Variants in RIMS2 observed in about 807,000 individuals in gnomAD.
RIMS2 encodes the protein regulating synaptic membrane exocytosis protein 2.
A neutral mutation model predicts 174.4 loss-of-function variants in RIMS2; 59 were observed. The observed-to-expected ratio is 0.34, with a 90% CI of 0.27 to 0.42. The LOEUF (loss-of-function observed/expected upper bound fraction) is 0.42. Among genes scored for constraint, RIMS2 ranks in the 10% least tolerant of loss-of-function variants. The probability of loss-of-function intolerance (pLI) is 1.00; values close to 1 mark genes in which losing one functional copy is unlikely to be tolerated. For missense variants in RIMS2, 1,620 were observed against 1,666.3 expected, an observed-to-expected ratio of 0.97 and a Z score of 0.48; for synonymous variants, 606 against 572.5, an observed-to-expected ratio of 1.06 and a Z score of -0.84.
chr8:103,667,201 A>G (rs940774915), intron 1 of RIMS2, among the ~76,000 whole-genome samples: 1 of 152,212 alleles, frequency 6.6e-6, no homozygotes, highest in South Asian at 2.1e-4. Flanking sequence ...TACATAATGT[A>G]TGTGTCATGT....
intron 19 of RIMS2, among the ~76,000 whole-genome samples, chr8:104,201,494 C>T (rs901672763): frequency 6.6e-6 from 1 of 151,906 alleles, no homozygotes; most frequent in African/African-American, 2.4e-5. Context: ...GTAAAAAATT[C>T]GGCATCATAG....
At chr8:104,017,536 G>A (rs962291751) in intron 19 of RIMS2, among the ~76,000 whole-genome samples, 2 of 151,820 alleles carry the variant, frequency 1.3e-5, no homozygotes, top group Admixed American at 6.6e-5. Flanking sequence ...TTTATGTACT[G>A]CCATTTTGTA....
intron 2 of RIMS2, among the ~76,000 whole-genome samples, chr8:103,751,236 G>A (rs1489584471): frequency 1.3e-5 from 2 of 152,080 alleles, no homozygotes; most frequent in South Asian, 2.1e-4. Context: ...TGAGAATGAT[G>A]GTTTCCAGTT....
intron 3 of RIMS2, among the ~76,000 whole-genome samples, chr8:103,830,687 T>G (rs900052153): frequency 6.6e-6 from 1 of 152,248 alleles, no homozygotes; most frequent in African/African-American, 2.4e-5. Context: ...TTTCTCTCAA[T>G]TGCTGAGAGA....
intron 17 of RIMS2, chr8:103,998,371 A>G (rs914716926): frequency 2.3e-5 from 12 of 522,270 alleles, no homozygotes; most frequent in Middle Eastern, 2.8e-4. Context: ...AATGAAATAT[A>G]GAAATATCAC....
chr8:104,094,846 T>C, intron 19 of RIMS2: 1 of 569,238 alleles, frequency 1.8e-6, no homozygotes, highest in African/African-American at 1.9e-5. Flanking sequence ...CTATTTAGCT[T>C]CTAATATTAC....
chr8:103,896,073 C>G (rs918356914), intron 4 of RIMS2, among the ~76,000 whole-genome samples: 1 of 151,596 alleles, frequency 6.6e-6, no homozygotes, highest in Non-Finnish European at 1.5e-5. Flanking sequence ...AATTTCTTAG[C>G]CTGATATATG....
At chr8:103,804,783 T>A (rs2098639027) in intron 3 of RIMS2, among the ~76,000 whole-genome samples, 1 of 152,114 alleles carries the variant, frequency 6.6e-6, no homozygotes, top group Admixed American at 6.6e-5. Context: ...TTTTCACTTA[T>A]AAGGAGTTTG....
At chr8:104,216,009 T>A (rs1352481232) in intron 19 of RIMS2, among the ~76,000 whole-genome samples, 1 of 152,202 alleles carries the variant, frequency 6.6e-6, no homozygotes, top group East Asian at 1.9e-4. Context: ...TTGATTATAT[T>A]TCATTTTTGG....
chr8:104,192,316 A>C (rs2099002047), intron 19 of RIMS2, among the ~76,000 whole-genome samples: 1 of 152,108 alleles, frequency 6.6e-6, no homozygotes, highest in African/African-American at 2.4e-5. Flanking sequence ...TTTTGTAGTA[A>C]TTATTATAAA....
chr8:104,151,798 CAAG>C (rs1181855954), intron 19 of RIMS2, among the ~76,000 whole-genome samples: 1 of 151,998 alleles, frequency 6.6e-6, no homozygotes, highest in African/African-American at 2.4e-5. Flanking sequence ...TGAAATTGCC[CAAG>C]AAGAATTATA....
At chr8:104,255,681 C>G (rs1332543438), downstream of RIMS2, 1 of 152,186 alleles carries the variant, frequency 6.6e-6, no homozygotes, top group East Asian at 1.9e-4. Flanking sequence ...TGATGTAAAC[C>G]TTGACATTCT....
exon 9 of RIMS2, chr8:103,918,474 A>G: frequency 6.2e-7 from 1 of 1,606,274 alleles, no homozygotes; most frequent in Non-Finnish European, 8.5e-7. Context: ...GCACACATGC[A>G]CAACTGGAGT....
chr8:103,789,131 C>G (rs1401943145), intron 3 of RIMS2, among the ~76,000 whole-genome samples: 1 of 152,184 alleles, frequency 6.6e-6, no homozygotes, highest in Non-Finnish European at 1.5e-5. Flanking sequence ...TGCTTCGGCT[C>G]GTGCACGGTG....
chr8:103,548,405 A>G (rs1846075268), intron 1 of RIMS2, among the ~76,000 whole-genome samples: 2 of 152,180 alleles, frequency 1.3e-5, no homozygotes, highest in African/African-American at 4.8e-5. Context: ...AGAATTCACC[A>G]CATAAACAGA....
intron 14 of RIMS2, among the ~76,000 whole-genome samples, chr8:103,948,472 C>T (rs963344085): frequency 6.6e-6 from 1 of 152,112 alleles, no homozygotes; most frequent in African/African-American, 2.4e-5. Flanking sequence ...TATATCCTCA[C>T]AATTGATTTC....
rs150848104 is a variant in RIMS2, at chr8:103,897,793, A to G, written c.1624+11570A>G. Reference sequence around the variant, plus strand: ...ATTCTCCTAGTGAGACTTGCCATAAATTGTATATGGCTTCTTTTCCCACCA... The same window carrying G: ...ATTCTCCTAGTGAGACTTGCCATAAGTTGTATATGGCTTCTTTTCCCACCA... On this transcript the variant is annotated intron_variant, in intron 4 of 23. Coordinates refer to ENST00000504942, the Ensembl canonical transcript of RIMS2. Among the ~76,000 whole-genome samples, 606 of 151,744 alleles carry G rather than the reference A, an allele frequency of 4.0e-3. 7 individuals carry two copies. The highest frequency in any genetic ancestry group is 3.2e-3 in the Non-Finnish European group (220 of 67,992).
chr8:103,682,116 T>A (rs2096887424), intron 1 of RIMS2, among the ~76,000 whole-genome samples: 1 of 151,948 alleles, frequency 6.6e-6, no homozygotes, highest in African/African-American at 2.4e-5. Context: ...AAACTGTGAG[T>A]TTTCTTGAAT....
intron 3 of RIMS2, among the ~76,000 whole-genome samples, chr8:103,795,305 C>T (rs990153946): frequency 6.6e-6 from 1 of 151,982 alleles, no homozygotes; most frequent in African/African-American, 2.4e-5. Flanking sequence ...CAGGTGGAAA[C>T]CATCATTCTG....
Sources: gnomAD v4.1 joint callset for allele counts (sites outside exome capture counted in the v4.1 genomes callset) on GRCh38, gnomAD v4.1.1 for gene constraint, MANE v1.5 for transcripts, NCBI Gene and HGNC (gene_info 2026-07-23, HGNC 2026-07-21) for gene names.